Variants in TTLL13 observed in about 807,000 individuals in gnomAD.
TTLL13 encodes the protein tubulin polyglutamylase TTLL13.
At chr15:90,257,998 G>A in the TTLL13 span, 2 of 1,590,172 alleles carry the variant, frequency 1.3e-6, no homozygotes, top group African/African-American at 2.7e-5. Context: ...TGGCCCAGTG[G>A]CCTAGAAACT....
chr15:90,257,035 T>A, the TTLL13 span: 1 of 1,133,092 alleles, frequency 8.8e-7, no homozygotes, highest in Non-Finnish European at 1.3e-6. Flanking sequence ...TTTACATGGT[T>A]ATTGTGGAAA....
the TTLL13 span, chr15:90,251,462 G>A: frequency 7.6e-6 from 10 of 1,309,444 alleles, no homozygotes; most frequent in South Asian, 7.1e-5. Flanking sequence ...TAGAGAAAAG[G>A]AATTGTGTTG....
chr15:90,257,725 A>G, the TTLL13 span: 1 of 1,613,362 alleles, frequency 6.2e-7, no homozygotes, highest in Non-Finnish European at 8.5e-7. Context: ...AGTAAGAGGT[A>G]CTCCCTACTC....
chr15:90,254,491 T>TAAA, the TTLL13 span, among the ~76,000 whole-genome samples: 1 of 84,212 alleles, frequency 1.2e-5, no homozygotes, highest in African/African-American at 4.3e-5. Context: ...AGACTCCATC[T>TAAA]AAAAAAAAAA....
At chr15:90,251,135 A>G in the TTLL13 span, among the ~76,000 whole-genome samples, 1 of 43,826 alleles carries the variant, frequency 2.3e-5, no homozygotes, top group African/African-American at 1.0e-4. Context: ...TTTTTTTGAG[A>G]CAGAGTCTCG....
chr15:90,264,823 A>G, the TTLL13 span: 1 of 1,536,144 alleles, frequency 6.5e-7, no homozygotes, highest in Non-Finnish European at 8.7e-7. Context: ...AACCGGAAAG[A>G]GTGGCATCTG....
At chr15:90,265,183 C>A in the TTLL13 span, 1 of 1,328,306 alleles carries the variant, frequency 7.5e-7, no homozygotes, top group Non-Finnish European at 9.9e-7. Context: ...TGAAGAGGCG[C>A]CAAGGCCAGC....
At chr15:90,252,599 C>T in the TTLL13 span, among the ~76,000 whole-genome samples, 1 of 152,188 alleles carries the variant, frequency 6.6e-6, no homozygotes, top group East Asian at 1.9e-4. Context: ...CCCTAATATT[C>T]CCTCTGGCAT....
At chr15:90,263,715 G>T in the TTLL13 span, 1 of 649,902 alleles carries the variant, frequency 1.5e-6, no homozygotes, top group South Asian at 1.6e-5. Context: ...TAAAAATGTG[G>T]TAAGGGGCTG....
At chr15:90,264,646 G>A in the TTLL13 span, 9 of 1,490,250 alleles carry the variant, frequency 6.0e-6, no homozygotes, top group Admixed American at 6.2e-5. Flanking sequence ...TGGTAATTGG[G>A]CCACAGTTGG....
chr15:90,257,514 C>A, the TTLL13 span: 2 of 1,037,244 alleles, frequency 1.9e-6, no homozygotes, highest in South Asian at 1.5e-5. Flanking sequence ...TAGCAGTCCT[C>A]TGGTGGAGAG....
chr15:90,251,163 G>C, the TTLL13 span, among the ~76,000 whole-genome samples: 16 of 132,068 alleles, frequency 1.2e-4, no homozygotes, highest in Non-Finnish European at 2.3e-4. Context: ...GCCCAGGCTG[G>C]AGTACAGTGG....
chr15:90,256,545 TTTTCTTTCTTTCTTTCTTTC>T, the TTLL13 span, among the ~76,000 whole-genome samples: 236 of 105,488 alleles, frequency 2.2e-3, no homozygotes, highest in African/African-American at 4.6e-3. Context: ...TCTCCTTCCT[TTTTCTTTCTTTCTTTCTTTC>T]TTTCTTTCTT....
chr15:90,261,275 C>T, the TTLL13 span, among the ~76,000 whole-genome samples: 150 of 151,304 alleles, frequency 9.9e-4, no homozygotes, highest in Middle Eastern at 3.4e-3. Flanking sequence ...AACAGGGTTT[C>T]GCTATGTTGG....
the TTLL13 span, among the ~76,000 whole-genome samples, chr15:90,254,205 A>ATTTT: frequency 2.1e-4 from 17 of 81,544 alleles, no homozygotes; most frequent in African/African-American, 6.3e-4. Context: ...TTTTTTTTAA[A>ATTTT]AAAAAAAGGC....
chr15:90,255,917 C>T, the TTLL13 span: 1 of 1,613,564 alleles, frequency 6.2e-7, no homozygotes, highest in South Asian at 1.1e-5. Flanking sequence ...TGCTGAGATA[C>T]CAGGGGGAGG....
chr15:90,258,099 G>A, the TTLL13 span: 27 of 1,614,190 alleles, frequency 1.7e-5, no homozygotes, highest in East Asian at 5.8e-4. Context: ...AGAGCTGTGG[G>A]GGGACATCGA....
chr15:90,256,623 T>C, the TTLL13 span, among the ~76,000 whole-genome samples: 1 of 88,960 alleles, frequency 1.1e-5, no homozygotes, highest in Non-Finnish European at 2.2e-5. Flanking sequence ...CCTTCCTTCC[T>C]TCCTTCCTTC....
chr15:90,263,187 G>A, the TTLL13 span: 873 of 1,472,460 alleles, frequency 5.9e-4, no homozygotes, highest in Non-Finnish European at 7.5e-4. Context: ...AAGGGAACAA[G>A]GGCTGTCATT....
Sources: allele counts gnomAD v4.1 joint callset (sites outside exome capture counted in the v4.1 genomes callset), GRCh38; gene constraint gnomAD v4.1.1; transcripts MANE v1.5; gene names NCBI Gene and HGNC (gene_info 2026-07-23, HGNC 2026-07-21).